PALLD: variants seen among roughly 807,000 people sequenced by gnomAD.
PALLD encodes the protein palladin, cytoskeletal associated protein.
Under a neutral mutation model 123.5 loss-of-function variants are expected in PALLD, and 61 were observed. The ratio of observed to expected loss-of-function variants is 0.49; its 90% CI spans 0.40 to 0.61. The LOEUF (loss-of-function observed/expected upper bound fraction) is 0.61. PALLD is among the 20% of genes least tolerant of loss of function. The pLI is 0.00. For synonymous variants in PALLD, 465 were observed against 496.4 expected (o/e 0.94, Z 0.84); for missense variants, 1,273 against 1,377.0 (o/e 0.92, Z 1.20).
intron 10 of PALLD, among the ~76,000 whole-genome samples, chr4:168,722,835 T>G (rs1786155650): frequency 6.6e-6 from 1 of 152,116 alleles, no homozygotes; most frequent in Non-Finnish European, 1.5e-5. Flanking sequence ...TTACTGAGAT[T>G]ATCAGCCAAG....
At chr4:168,786,950 T>C (rs1189832101) in intron 10 of PALLD, among the ~76,000 whole-genome samples, 1 of 152,224 alleles carries the variant, frequency 6.6e-6, no homozygotes, top group East Asian at 1.9e-4. Flanking sequence ...AGGTTAACAC[T>C]TGACAATCTT....
chr4:168,554,043 C>T (rs1385904097), intron 2 of PALLD, among the ~76,000 whole-genome samples: 2 of 152,184 alleles, frequency 1.3e-5, no homozygotes, highest in African/African-American at 2.4e-5. Context: ...TGTCCAGCCC[C>T]CACTGAGGCC....
At chr4:168,804,900 C>A (rs768945640) in intron 10 of PALLD, among the ~76,000 whole-genome samples, 16 of 152,106 alleles carry the variant, frequency 1.1e-4, no homozygotes, top group Middle Eastern at 3.4e-3. Context: ...GTGGCTCACA[C>A]CTGTAATCCC....
chr4:168,917,038 G>GT (rs1216850276), intron 17 of PALLD, among the ~76,000 whole-genome samples: 14 of 135,362 alleles, frequency 1.0e-4, no homozygotes, highest in South Asian at 7.0e-4. Flanking sequence ...AGGGCTTTTT[G>GT]TTTTTTTGGG....
chr4:168,803,601 G>T (rs1275827969), intron 10 of PALLD, among the ~76,000 whole-genome samples: 2 of 150,826 alleles, frequency 1.3e-5, no homozygotes, highest in African/African-American at 4.9e-5. Context: ...TGGGAAGATG[G>T]ACTGAGCCTG....
At chr4:168,555,705 T>A (rs1767211170) in intron 2 of PALLD, among the ~76,000 whole-genome samples, 1 of 152,222 alleles carries the variant, frequency 6.6e-6, no homozygotes, top group Non-Finnish European at 1.5e-5. Context: ...CAGAATAGAC[T>A]TGCCAAGCAT....
chr4:168,826,471 G>A (rs1002353119), intron 10 of PALLD, among the ~76,000 whole-genome samples: 2 of 152,168 alleles, frequency 1.3e-5, no homozygotes, highest in Non-Finnish European at 2.9e-5. Context: ...CCTTGGGTAA[G>A]TTACCTAACC....
rs140584890 is a variant in PALLD, at chr4:168,921,575, T to C, written c.2892T>C (p.Asp964=). 1.3e-4 allele frequency: 208 copies of C among 1,607,938 alleles called. 1 individual carries two copies. The highest frequency in any genetic ancestry group is 3.3e-4 in the Middle Eastern group (2 of 6,028). ...LPTPDLSWQL[D]GKPVRPDSAH... is the part of the protein sequence containing the mutation. The stretch of plus-strand genomic sequence containing the variant: ...CCCCAGATCTAAGCTGGCAACTAGA[T>C]GGAAAGCCCGTACGCCCTGACAGTG... Residue 964 remains aspartate (D), a synonymous_variant, in exon 18 of 22, where the codon GAT becomes GAC. Coordinates refer to ENST00000505667, the MANE Select transcript of PALLD (RefSeq NM_001166108.2).
chr4:168,759,263 A>G (rs1732485003), intron 10 of PALLD, among the ~76,000 whole-genome samples: 3 of 135,208 alleles, frequency 2.2e-5, no homozygotes, highest in South Asian at 2.5e-4. Context: ...TATATGCTCC[A>G]TTATACTGAC....
intron 10 of PALLD, among the ~76,000 whole-genome samples, chr4:168,728,487 G>T (rs1241615466): frequency 6.6e-6 from 1 of 152,066 alleles, no homozygotes; most frequent in African/African-American, 2.4e-5. Flanking sequence ...TTGTGTTCTT[G>T]ATTTGACTTT....
chr4:168,747,949 T>C (rs1413423218), intron 10 of PALLD, among the ~76,000 whole-genome samples: 1 of 152,198 alleles, frequency 6.6e-6, no homozygotes, highest in African/African-American at 2.4e-5. Context: ...AAAAGTCGGA[T>C]CCTTTTTCTT....
intron 2 of PALLD, among the ~76,000 whole-genome samples, chr4:168,626,520 G>A (rs1775309054): frequency 6.6e-6 from 1 of 151,858 alleles, no homozygotes; most frequent in Non-Finnish European, 1.5e-5. Context: ...GACCATCCTG[G>A]GAAACGTGGC....
chr4:168,605,635 C>A (rs1286740469), intron 2 of PALLD, among the ~76,000 whole-genome samples: 1 of 152,202 alleles, frequency 6.6e-6, no homozygotes, highest in African/African-American at 2.4e-5. Context: ...TGAACGTGGG[C>A]TCTGCAGAGC....
chr4:168,881,148 G>A (rs1334403767), intron 10 of PALLD, among the ~76,000 whole-genome samples: 8 of 152,042 alleles, frequency 5.3e-5, no homozygotes, highest in African/African-American at 1.9e-4. Flanking sequence ...CAGGTGATCC[G>A]CCTGCCTTGG....
chr4:168,817,074 G>A (rs1046938011), intron 10 of PALLD, among the ~76,000 whole-genome samples: 6 of 152,072 alleles, frequency 3.9e-5, no homozygotes, highest in Non-Finnish European at 8.8e-5. Flanking sequence ...AAGGATTTTT[G>A]TTTTACTTGT....
At position 168,781,771 on chromosome 4, in the gene PALLD, C is replaced by A. The variant is rs997098420; in HGVS notation, c.1964+69848C>A. 3.3e-5 allele frequency among the ~76,000 whole-genome samples: 5 copies of A among 152,110 alleles called. No homozygotes were observed. In the South Asian group the frequency reaches 1.0e-3, roughly 32 times the overall value. On this transcript the variant is annotated intron_variant, in intron 10 of 21. Transcript: ENST00000505667. ...GACAGGCAATTCAGAACACAGCTCA[C>A]AGAAGCCCGGAACAAGACTGGACCA...
At chr4:168,679,871 G>T (rs139478151) in intron 3 of PALLD, among the ~76,000 whole-genome samples, 1 of 152,076 alleles carries the variant, frequency 6.6e-6, no homozygotes, top group Non-Finnish European at 1.5e-5. Context: ...GACAAGAATG[G>T]ATTGTGGTAG....
At chr4:168,827,224 G>C (rs775833970) in intron 10 of PALLD, among the ~76,000 whole-genome samples, 1 of 152,178 alleles carries the variant, frequency 6.6e-6, no homozygotes, top group Non-Finnish European at 1.5e-5. Flanking sequence ...TTTACCAATA[G>C]GATAGATGAA....
chr4:168,668,027 G>T (rs1247086775), intron 2 of PALLD, among the ~76,000 whole-genome samples, 163 bp from the exon 3 acceptor site: 1 of 152,060 alleles, frequency 6.6e-6, no homozygotes, highest in Non-Finnish European at 1.5e-5. Context: ...TAATTTCACA[G>T]TCTAAATTGT....
Sources: allele counts gnomAD v4.1 joint callset (sites outside exome capture counted in the v4.1 genomes callset), GRCh38; gene constraint gnomAD v4.1.1; transcripts MANE v1.5; gene names NCBI Gene and HGNC (gene_info 2026-07-23, HGNC 2026-07-21).